MARCHF4: variants seen among roughly 807,000 people sequenced by gnomAD.
MARCHF4 encodes E3 ubiquitin-protein ligase MARCHF4.
A neutral mutation model predicts 43.9 loss-of-function variants in MARCHF4; 14 were observed. The ratio of observed to expected loss-of-function variants is 0.32; its 90% confidence interval spans 0.21 to 0.50. The LOEUF is 0.50. Among genes scored for constraint, MARCHF4 ranks in the 20% least tolerant of loss-of-function variants. The pLI is 0.98. For synonymous variants in MARCHF4, 226 were observed against 213.3 expected (o/e 1.06, Z -0.52); for missense variants, 468 against 536.7 (o/e 0.87, Z 1.27).
intron 3 of MARCHF4, among the ~76,000 whole-genome samples, chr2:216,275,429 G>A (rs955741839): frequency 3.9e-5 from 6 of 152,144 alleles, no homozygotes; most frequent in African/African-American, 9.7e-5. Flanking sequence ...GTCACAGGTG[G>A]CATCTGTAGG....
chr2:216,328,141 A>G (rs367776704), intron 1 of MARCHF4, among the ~76,000 whole-genome samples: 4 of 152,096 alleles, frequency 2.6e-5, no homozygotes, highest in Admixed American at 1.3e-4. Flanking sequence ...CAGGAAAGGC[A>G]AGGGGGCGTA....
chr2:216,362,051 C>A (rs1239903256), intron 1 of MARCHF4, among the ~76,000 whole-genome samples: 1 of 152,098 alleles, frequency 6.6e-6, no homozygotes, highest in East Asian at 1.9e-4. Flanking sequence ...TGGGAAGGGC[C>A]CCAAATGGGA....
Position 216,370,824 on chromosome 2 carries a change from A to C in MARCHF4, c.-564T>G, listed in dbSNP as rs1419897215. The C allele has an allele frequency of 1.3e-5, 2 of 152,132 alleles. No individual in the cohort carries two copies. The highest frequency in any genetic ancestry group is 4.8e-5 in the African/African-American group (2 of 41,400). 9.4% of individuals were successfully genotyped at this position (152,132 alleles called of 1,614,324 possible). ...GGACTGCATGTGTGAGAGAGAAAAG[A>C]TCGTTTTTCTCAGGTGGTAGGGGTT... On this transcript the variant is annotated 5_prime_UTR_variant, in exon 1 of 4. Coordinates refer to ENST00000273067, the MANE Select transcript of MARCHF4 (RefSeq NM_020814.3).
At chr2:216,352,300 C>A (rs1256674897) in intron 1 of MARCHF4, among the ~76,000 whole-genome samples, 1 of 152,188 alleles carries the variant, frequency 6.6e-6, no homozygotes, top group Non-Finnish European at 1.5e-5. Context: ...CTGGTGGAAG[C>A]CAGGCTGGGT....
At chr2:216,262,467 A>G (rs1203266714) in intron 3 of MARCHF4, among the ~76,000 whole-genome samples, 1 of 152,330 alleles carries the variant, frequency 6.6e-6, no homozygotes, top group Admixed American at 6.5e-5. Context: ...TGGGGATGAG[A>G]ATACGAAAGG....
At chr2:216,299,782 G>T (rs551954149) in intron 1 of MARCHF4, among the ~76,000 whole-genome samples, 19 of 152,188 alleles carry the variant, frequency 1.2e-4, no homozygotes, top group Non-Finnish European at 2.2e-4. Context: ...TTGGCTGAAT[G>T]GTTCTGCTGA....
Position 216,259,615 on chromosome 2 carries a change from C to A in MARCHF4, c.930G>T (p.Gln310His). The change falls in exon 4 of 4, where the codon CAG becomes CAT. Residue 310 changes from glutamine (Q) to histidine (H), a missense_variant. By Grantham distance (24) the Gln-to-His change is conservative. This residue lies in a region of MARCHF4 where 120 missense variants were observed against 127.1 expected (regional missense o/e 0.94). Transcript: ENST00000273067. ...RIFKRWQAVN[Q>H]QWKVLNYDKT... Reference sequence around the variant, plus strand: ...TGTCATAGTTCAGCACTTTCCACTGCTGGTTGACAGCCTGCCACCGTTTAA... The same window carrying A: ...TGTCATAGTTCAGCACTTTCCACTGATGGTTGACAGCCTGCCACCGTTTAA... The A allele has an allele frequency of 2.5e-6, 4 of 1,614,200 alleles. No homozygotes were observed. The highest frequency in any genetic ancestry group is 3.4e-6 in the Non-Finnish European group (4 of 1,180,036).
intron 3 of MARCHF4, among the ~76,000 whole-genome samples, chr2:216,261,920 C>T (rs57212054): frequency 6.6e-6 from 1 of 152,010 alleles, no homozygotes; most frequent in African/African-American, 2.4e-5. Context: ...GACCCAAAAG[C>T]CTAGGGAAGG....
intron 3 of MARCHF4, among the ~76,000 whole-genome samples, chr2:216,276,350 GC>G (rs147820251): frequency 0.11 from 17,122 of 152,184 alleles, 3,190 homozygotes; most frequent in African/African-American, 0.39. Context: ...AAATTAGAAT[GC>G]ATCAATGTCA....
At chr2:216,359,457 T>C (rs1198758447) in intron 1 of MARCHF4, among the ~76,000 whole-genome samples, 4 of 152,234 alleles carry the variant, frequency 2.6e-5, no homozygotes, top group African/African-American at 9.6e-5. Context: ...AGGCTCTCCC[T>C]ACAGGGCAAG....
intron 1 of MARCHF4, among the ~76,000 whole-genome samples, chr2:216,358,768 TC>T (rs529385067): frequency 1.4e-3 from 219 of 152,220 alleles, no homozygotes; most frequent in Non-Finnish European, 2.7e-3. Context: ...AGGATTATAC[TC>T]CCCACCCCTA....
At chr2:216,364,795 C>T (rs1692640561) in intron 1 of MARCHF4, among the ~76,000 whole-genome samples, 1 of 152,160 alleles carries the variant, frequency 6.6e-6, no homozygotes, top group Non-Finnish European at 1.5e-5. Flanking sequence ...TCCTGTAGAC[C>T]AAAGGACAGT....
At chr2:216,319,306 TAAAACAAAAC>T (rs759192528) in intron 1 of MARCHF4, among the ~76,000 whole-genome samples, 8 of 151,994 alleles carry the variant, frequency 5.3e-5, no homozygotes, top group Non-Finnish European at 8.8e-5. Flanking sequence ...AGATTCCATC[TAAAACAAAAC>T]AAAACAAAAC....
At chr2:216,348,599 G>T (rs1171798503) in intron 1 of MARCHF4, among the ~76,000 whole-genome samples, 2 of 152,180 alleles carry the variant, frequency 1.3e-5, no homozygotes, top group Non-Finnish European at 2.9e-5. Flanking sequence ...CCCCTGTTTA[G>T]TATATCATCA....
chr2:216,263,542 A>T (rs1690786961), intron 3 of MARCHF4, among the ~76,000 whole-genome samples: 2 of 151,108 alleles, frequency 1.3e-5, no homozygotes, highest in South Asian at 4.2e-4. Context: ...AGAGAGAAAG[A>T]GAGAGAGAGA....
At chr2:216,362,619 T>C (rs1343250304) in intron 1 of MARCHF4, among the ~76,000 whole-genome samples, 1 of 152,198 alleles carries the variant, frequency 6.6e-6, no homozygotes, top group Non-Finnish European at 1.5e-5. Flanking sequence ...GTGTCCCCCT[T>C]GTGGGGCATG....
chr2:216,368,389 A>T (rs1167021460), intron 1 of MARCHF4, among the ~76,000 whole-genome samples: 1 of 152,190 alleles, frequency 6.6e-6, no homozygotes, highest in Non-Finnish European at 1.5e-5. Context: ...ACAACACTTT[A>T]TTGGATACTT....
chr2:216,298,143 T>C (rs1193027500), intron 1 of MARCHF4, among the ~76,000 whole-genome samples: 2 of 152,182 alleles, frequency 1.3e-5, no homozygotes, highest in African/African-American at 4.8e-5. Context: ...ATTCATCTTC[T>C]GCTCAACCAT....
intron 1 of MARCHF4, among the ~76,000 whole-genome samples, chr2:216,315,619 A>G (rs1358216918): frequency 6.6e-6 from 1 of 152,252 alleles, no homozygotes; most frequent in East Asian, 1.9e-4. Flanking sequence ...CAAGATGTTG[A>G]GTAGAAAAGT....
Sources: gnomAD v4.1 joint callset for allele counts (sites outside exome capture counted in the v4.1 genomes callset) on GRCh38, gnomAD v4.1.1 for gene constraint, gnomAD v4.1.1 regional missense constraint, MANE v1.5 for transcripts, NCBI Gene and HGNC (gene_info 2026-07-23, HGNC 2026-07-21) for gene names.